ROBO1: variants seen among roughly 807,000 people sequenced by gnomAD.
The protein encoded by ROBO1 is roundabout homolog 1.
In ROBO1, 149 loss-of-function variants were observed where a neutral mutation model predicts 195.9. The ratio of observed to expected loss-of-function variants is 0.76; its 90% CI spans 0.67 to 0.87. The LOEUF (loss-of-function observed/expected upper bound fraction) is 0.87, where lower values mean the gene tolerates loss of function less well. Ranked by LOEUF, ROBO1 falls within the 40% of genes least tolerant of loss-of-function variation. ROBO1 has a pLI of 0.00. For synonymous variants in ROBO1, 816 were observed against 733.2 expected (o/e 1.11, Z -1.82); for missense variants, 1,933 against 2,068.3 (o/e 0.93, Z 1.27).
chr3:79,219,555 C>T (rs926586720), intron 2 of ROBO1, among the ~76,000 whole-genome samples: 1 of 151,934 alleles, frequency 6.6e-6, no homozygotes, highest in Admixed American at 6.6e-5. Flanking sequence ...CTAAGTTGAA[C>T]CATGCATGAT....
intron 3 of ROBO1, among the ~76,000 whole-genome samples, chr3:79,060,509 C>T (rs960421427): frequency 1.3e-5 from 2 of 151,930 alleles, no homozygotes; most frequent in African/African-American, 4.8e-5. Flanking sequence ...CTTTTTTGTG[C>T]TCTTTCTCTT....
intron 3 of ROBO1, among the ~76,000 whole-genome samples, chr3:78,946,279 C>T (rs921396604): frequency 5.9e-5 from 9 of 152,136 alleles, no homozygotes; most frequent in South Asian, 2.1e-4. Flanking sequence ...GGAGAAAGGT[C>T]GGGTTACCCA....
chr3:78,948,894 G>C (rs2040611652), intron 3 of ROBO1, among the ~76,000 whole-genome samples: 1 of 152,060 alleles, frequency 6.6e-6, no homozygotes, highest in Non-Finnish European at 1.5e-5. Context: ...CAAATCATGA[G>C]TGAACTCCCA....
intron 2 of ROBO1, among the ~76,000 whole-genome samples, chr3:79,158,446 A>G (rs549491500): frequency 1.3e-5 from 2 of 151,528 alleles, no homozygotes; most frequent in Non-Finnish European, 3.0e-5. Flanking sequence ...ATTATGTCAT[A>G]TATTATCACA....
In ROBO1 at chr3:79,081,122, T is replaced by G. The variant is rs1021246557; in HGVS notation, c.172+44334A>C. On this transcript the variant is annotated intron_variant, in intron 3 of 30. Coordinates refer to ENST00000464233, the MANE Select transcript of ROBO1 (RefSeq NM_002941.4). ...AACCCATTCTTTTTTTATAATTAAATAGCCATATACTACCCTGTAATAGAG... is the reference window on the plus strand; with the variant it reads ...AACCCATTCTTTTTTTATAATTAAAGAGCCATATACTACCCTGTAATAGAG... Among the ~76,000 whole-genome samples, 3 of 152,222 alleles carry G rather than the reference T, an allele frequency of 2.0e-5. No homozygotes were observed. The South Asian group carries it at 6.2e-4, about 32-fold the overall frequency.
At chr3:78,671,102 C>T (rs1202495952) in intron 10 of ROBO1, among the ~76,000 whole-genome samples, 6 of 151,926 alleles carry the variant, frequency 3.9e-5, no homozygotes, top group African/African-American at 9.7e-5. Context: ...AAAATAACAA[C>T]GAGAGGCAAT....
intron 2 of ROBO1, among the ~76,000 whole-genome samples, chr3:79,537,612 A>T (rs1215745070): frequency 6.6e-6 from 1 of 152,122 alleles, no homozygotes; most frequent in Non-Finnish European, 1.5e-5. Flanking sequence ...CGTCCAATCC[A>T]CGACCTAGGA....
At chr3:79,544,108 A>T (rs1218614745) in intron 2 of ROBO1, among the ~76,000 whole-genome samples, 1 of 152,084 alleles carries the variant, frequency 6.6e-6, no homozygotes, top group Non-Finnish European at 1.5e-5. Flanking sequence ...CCAACAGAAG[A>T]CTGAAAAAAG....
intron 21 of ROBO1, among the ~76,000 whole-genome samples, chr3:78,643,829 C>T (rs946374850): frequency 5.3e-5 from 8 of 152,032 alleles, no homozygotes; most frequent in African/African-American, 4.8e-5. Flanking sequence ...CTCCTGAGAG[C>T]TTTTGTCATA....
chr3:78,656,732 G>A (rs1367486233), intron 18 of ROBO1, among the ~76,000 whole-genome samples: 1 of 152,074 alleles, frequency 6.6e-6, no homozygotes, highest in African/African-American at 2.4e-5. Context: ...GGTATCCTTG[G>A]TGCTCAATTA....
intron 2 of ROBO1, among the ~76,000 whole-genome samples, chr3:79,305,487 C>CA (rs755731665): frequency 0.018 from 973 of 55,268 alleles, 6 homozygotes; most frequent in African/African-American, 0.029. Flanking sequence ...AACTCCATCT[C>CA]AAAAAAAAAA....
chr3:78,853,779 G>A (rs2034229464), intron 4 of ROBO1, among the ~76,000 whole-genome samples: 1 of 152,098 alleles, frequency 6.6e-6, no homozygotes, highest in African/African-American at 2.4e-5. Context: ...AGTTCCACGT[G>A]ACTGGAGAGG....
chr3:79,487,627 C>A (rs1202005458), intron 2 of ROBO1, among the ~76,000 whole-genome samples: 2 of 152,130 alleles, frequency 1.3e-5, no homozygotes, highest in African/African-American at 2.4e-5. Context: ...TCTCCTAACA[C>A]TATGTTTAGG....
At position 78,876,191 on chromosome 3, in the gene ROBO1, T is replaced by A. The variant is rs562452736; in HGVS notation, c.499+62410A>T. 2.0e-5 allele frequency among the ~76,000 whole-genome samples: 3 copies of A among 152,210 alleles called. No homozygotes were observed. The East Asian group carries it at 5.8e-4, about 29-fold the overall frequency. Reference sequence around the variant, plus strand: ...AACTATTTCCATGTTTTGAAAAGTATCAAGTTGCATAGTAACATATGCAAA... The same window carrying A: ...AACTATTTCCATGTTTTGAAAAGTAACAAGTTGCATAGTAACATATGCAAA... On this transcript the variant is annotated intron_variant, in intron 4 of 30. Transcript: ENST00000464233.
At chr3:78,850,101 G>A (rs921594766) in intron 4 of ROBO1, among the ~76,000 whole-genome samples, 1 of 152,088 alleles carries the variant, frequency 6.6e-6, no homozygotes, top group African/African-American at 2.4e-5. Context: ...GCCTTGATGT[G>A]TTCCAGGCTA....
At chr3:79,695,876 G>C (rs1947432337) in intron 1 of ROBO1, among the ~76,000 whole-genome samples, 1 of 151,432 alleles carries the variant, frequency 6.6e-6, no homozygotes, top group South Asian at 2.1e-4. Flanking sequence ...AACACCATGA[G>C]TAAATAATAT....
chr3:79,042,463 C>T lies in ROBO1; in HGVS notation c.172+82993G>A, dbSNP rs113752795. Among the ~76,000 whole-genome samples, 16 of 152,126 alleles carry T rather than the reference C, an allele frequency of 1.1e-4. 1 individual carries two copies. Among genetic ancestry groups the T allele is most frequent in the East Asian group, 7.7e-4 (4 of 5,176 alleles). ...ACCCTGCTTTTAAACTTCTCCACGG[C>T]GCAAAAACCCTGGTTCCTTCTATTT... On this transcript the variant is annotated intron_variant, in intron 3 of 30. Transcript: ENST00000464233.
chr3:79,007,463 G>C (rs961124307), intron 3 of ROBO1, among the ~76,000 whole-genome samples: 3 of 152,014 alleles, frequency 2.0e-5, no homozygotes, highest in African/African-American at 7.2e-5. Context: ...GATAGATTGA[G>C]AATAAAAATA....
At chr3:79,698,024 GT>G (rs1947498783) in intron 1 of ROBO1, among the ~76,000 whole-genome samples, 3 of 151,324 alleles carry the variant, frequency 2.0e-5, no homozygotes, top group Non-Finnish European at 4.4e-5. Context: ...TTCTAAAAAT[GT>G]TTTGATACTT....
Sources: gnomAD v4.1 joint callset for allele counts (sites outside exome capture counted in the v4.1 genomes callset) on GRCh38, gnomAD v4.1.1 for gene constraint, MANE v1.5 for transcripts, NCBI Gene and HGNC (gene_info 2026-07-23, HGNC 2026-07-21) for gene names.